The following PCBP3 variants were observed in gnomAD, a reference collection of about 807,000 sequenced individuals.
PCBP3 encodes poly(rC) binding protein 3.
Under a neutral mutation model 52.7 loss-of-function variants are expected in PCBP3, and 25 were observed. That is an observed-to-expected ratio of 0.47 (90% CI 0.35 to 0.66). The LOEUF (loss-of-function observed/expected upper bound fraction) is 0.66. Among genes scored for constraint, PCBP3 ranks in the 30% least tolerant of loss-of-function variants. The pLI is 0.01. For synonymous variants in PCBP3, 162 were observed against 183.0 expected (o/e 0.89, Z 0.93); for missense variants, 391 against 490.3 (o/e 0.80, Z 1.91).
At chr21:45,658,714 T>C (rs574783112) in intron 1 of PCBP3, among the ~76,000 whole-genome samples, 1 of 152,344 alleles carries the variant, frequency 6.6e-6, no homozygotes, top group South Asian at 2.1e-4. Flanking sequence ...TAGAATGAGT[T>C]GGCAAGTGTC....
chr21:45,676,457 A>G (rs1425629153), intron 2 of PCBP3, among the ~76,000 whole-genome samples: 1 of 152,080 alleles, frequency 6.6e-6, no homozygotes, highest in African/African-American at 2.4e-5. Flanking sequence ...TGCTTACTTC[A>G]TGTCTCTGTG....
At chr21:45,665,625 C>T (rs888506918) in intron 1 of PCBP3, among the ~76,000 whole-genome samples, 3 of 152,056 alleles carry the variant, frequency 2.0e-5, no homozygotes, top group African/African-American at 7.2e-5. Flanking sequence ...GAATCAGTAA[C>T]AAAAATTCTC....
intron 2 of PCBP3, among the ~76,000 whole-genome samples, chr21:45,691,383 G>GTT (rs1474242640): frequency 3.1e-4 from 43 of 140,762 alleles, no homozygotes; most frequent in Admixed American, 2.2e-3. Flanking sequence ...TGTGGGGGTA[G>GTT]TTATATATAT....
chr21:45,669,833 A>ATATATATG (rs2081060458), intron 2 of PCBP3, among the ~76,000 whole-genome samples: 1 of 135,052 alleles, frequency 7.4e-6, no homozygotes, highest in African/African-American at 2.7e-5. Context: ...ATATATATAT[A>ATATATATG]TATATATATA....
chr21:45,701,369 C>G (rs1263221028), intron 2 of PCBP3, among the ~76,000 whole-genome samples: 1 of 152,190 alleles, frequency 6.6e-6, no homozygotes, highest in Non-Finnish European at 1.5e-5. Flanking sequence ...TCCTATGACA[C>G]TAGGCCAGTG....
At chr21:45,896,653 G>A (rs77625312) in intron 6 of PCBP3, among the ~76,000 whole-genome samples, 16 of 124,796 alleles carry the variant, frequency 1.3e-4, no homozygotes, top group African/African-American at 2.5e-4. Context: ...ACATAGAACC[G>A]GAGATGCACT....
intron 15 of PCBP3, among the ~76,000 whole-genome samples, chr21:45,934,499 A>G (rs1008432172): frequency 1.3e-5 from 2 of 152,206 alleles, no homozygotes; most frequent in African/African-American, 4.8e-5. Flanking sequence ...TTAGACCCAT[A>G]TTGTCACTCT....
At chr21:45,761,681 G>C (rs1456848167) in intron 4 of PCBP3, 1 of 152,404 alleles carries the variant, frequency 6.6e-6, no homozygotes, top group African/African-American at 2.4e-5. Flanking sequence ...AATGCCTCTT[G>C]GCCTTTCTGT....
At chr21:45,804,619 C>T (rs751696517) in intron 4 of PCBP3, among the ~76,000 whole-genome samples, 1 of 152,134 alleles carries the variant, frequency 6.6e-6, no homozygotes, top group Admixed American at 6.5e-5. Context: ...TTGTCCTTAC[C>T]AGGACTGCTG....
intron 16 of PCBP3, 146 bp downstream of exon 16, chr21:45,935,451 C>T: frequency 1.4e-6 from 1 of 711,346 alleles, no homozygotes; most frequent in Non-Finnish European, 2.6e-6. Context: ...TGTGTCCTCC[C>T]TCCTTTCCTT....
intron 2 of PCBP3, among the ~76,000 whole-genome samples, chr21:45,695,828 C>A (rs2147872844): frequency 6.6e-6 from 1 of 152,164 alleles, no homozygotes; most frequent in Admixed American, 6.5e-5. Context: ...CGTGTGTAAT[C>A]CCAGCACTTT....
At chr21:45,792,127 G>A (rs778304155) in intron 4 of PCBP3, among the ~76,000 whole-genome samples, 1 of 152,294 alleles carries the variant, frequency 6.6e-6, no homozygotes, top group Non-Finnish European at 1.5e-5. Context: ...AGTTGGAGGC[G>A]AGGCCCGGGG....
chr21:45,930,915 TG>T, intron 15 of PCBP3, 70 bp downstream of exon 15: 5 of 1,593,152 alleles, frequency 3.1e-6, no homozygotes, highest in Non-Finnish European at 3.4e-6. Context: ...GGAGGAGGTG[TG>T]GGGGCCCTGC....
chr21:45,772,266 C>T (rs12627042), intron 4 of PCBP3, among the ~76,000 whole-genome samples: 1 of 152,256 alleles, frequency 6.6e-6, no homozygotes, highest in South Asian at 2.1e-4. Flanking sequence ...TTGTGTACCT[C>T]CATGTGATCA....
intron 15 of PCBP3, among the ~76,000 whole-genome samples, chr21:45,935,006 A>G (rs1221217613): frequency 1.3e-5 from 2 of 152,160 alleles, no homozygotes; most frequent in Non-Finnish European, 2.9e-5. Flanking sequence ...GCACAAAATG[A>G]AAAAAACAAA....
chr21:45,816,975 G>A (rs149677212), intron 4 of PCBP3, among the ~76,000 whole-genome samples: 10 of 152,228 alleles, frequency 6.6e-5, no homozygotes, highest in East Asian at 5.8e-4. Flanking sequence ...AGGCCACAGC[G>A]TTGCAGGGTG....
At position 45,656,093 on chromosome 21, in the gene PCBP3, C is replaced by G. The variant is rs1429480881; in HGVS notation, c.-279+12225C>G. Reference sequence around the variant, plus strand: ...TGTGGAAGACAGTGTGGCGATTTCTCAAGGATCTAGAACCAGAAATACCAT... The same window carrying G: ...TGTGGAAGACAGTGTGGCGATTTCTGAAGGATCTAGAACCAGAAATACCAT... On this transcript the variant is annotated intron_variant, in intron 1 of 17. Transcript: ENST00000681687. The surrounding 1 kb of genome is among the most constrained non-coding windows in gnomAD (Gnocchi z 4.3). 6.6e-6 allele frequency among the ~76,000 whole-genome samples: 1 copy of G among 152,166 alleles called. No homozygotes were observed. Among genetic ancestry groups the G allele is most frequent in the African/African-American group, 2.4e-5 (1 of 41,432 alleles).
At chr21:45,886,625 ATTG>A (rs2095531233) in intron 5 of PCBP3, among the ~76,000 whole-genome samples, 2 of 13,694 alleles carry the variant, frequency 1.5e-4, no homozygotes, top group South Asian at 9.4e-3. Flanking sequence ...AGGAGGCCTC[ATTG>A]CCCCGGGTAC....
At chr21:45,909,191 T>C (rs1484721705) in intron 9 of PCBP3, among the ~76,000 whole-genome samples, 164 bp from the exon 10 acceptor site, 1 of 151,784 alleles carries the variant, frequency 6.6e-6, no homozygotes, top group Non-Finnish European at 1.5e-5. Flanking sequence ...TTCAGCGACG[T>C]CTCCTGGTCC....
Sources: allele counts gnomAD v4.1 joint callset (sites outside exome capture counted in the v4.1 genomes callset), GRCh38; gene constraint gnomAD v4.1.1; non-coding constraint Gnocchi (gnomAD v3.1); transcripts MANE v1.5; gene names NCBI Gene and HGNC (gene_info 2026-07-23, HGNC 2026-07-21).